RBFOX3: variants seen among roughly 807,000 people sequenced by gnomAD.
The protein encoded by RBFOX3 is RNA binding fox-1 homolog 3, also known as RNA binding protein fox-1 homolog 3.
RBFOX3 carries 17 observed loss-of-function variants against 48.7 expected under a neutral mutation model. The ratio of observed to expected loss-of-function variants is 0.35; its 90% CI spans 0.24 to 0.52. The LOEUF is 0.52. Among genes scored for constraint, RBFOX3 ranks in the 20% least tolerant of loss-of-function variants. The probability of loss-of-function intolerance (pLI) is 0.94; values close to 1 mark genes in which losing one functional copy is unlikely to be tolerated. For synonymous variants in RBFOX3, 212 were observed against 209.5 expected (o/e 1.01, Z -0.10); for missense variants, 382 against 497.5 (o/e 0.77, Z 2.21).
At chr17:79,394,560 A>G (rs543739774) in intron 2 of RBFOX3, among the ~76,000 whole-genome samples, 51 of 152,350 alleles carry the variant, frequency 3.3e-4, no homozygotes, top group African/African-American at 1.2e-3. Flanking sequence ...GGAGGCTGAC[A>G]GTCAAGGCAG....
At chr17:79,211,635 C>A (rs1269027607) in intron 4 of RBFOX3, among the ~76,000 whole-genome samples, 1 of 152,124 alleles carries the variant, frequency 6.6e-6, no homozygotes, top group African/African-American at 2.4e-5. Context: ...CTCCGGGGGG[C>A]TGGACAGACA....
intron 3 of RBFOX3, among the ~76,000 whole-genome samples, chr17:79,255,699 C>A (rs934813713): frequency 6.6e-6 from 1 of 152,080 alleles, no homozygotes; most frequent in Non-Finnish European, 1.5e-5. Context: ...CTGGGCCTGG[C>A]CTCCCAGTCC....
intron 4 of RBFOX3, among the ~76,000 whole-genome samples, chr17:79,194,614 GAA>G (rs71161651): frequency 0.032 from 4,856 of 149,676 alleles, 108 homozygotes; most frequent in African/African-American, 0.058. Context: ...TGTCTCAAAA[GAA>G]AAAAAAAAAC....
At chr17:79,394,205 A>C (rs1371656906) in intron 2 of RBFOX3, among the ~76,000 whole-genome samples, 1 of 152,234 alleles carries the variant, frequency 6.6e-6, no homozygotes, top group Non-Finnish European at 1.5e-5. Context: ...CTGTGGGCTG[A>C]GATCTGCGAG....
intron 3 of RBFOX3, among the ~76,000 whole-genome samples, chr17:79,264,965 A>AG (rs766941741): frequency 0.028 from 3,773 of 132,864 alleles, 52 homozygotes; most frequent in East Asian, 0.062. Context: ...GTGCGAGAGG[A>AG]GGGGGGGGGG....
Position 79,129,622 on chromosome 17 carries a change from C to A in RBFOX3, c.-33-13874G>T, listed in dbSNP as rs576732597. ...CTGTCCTTCAAGGTGCAGAGGACAC[C>A]ATAGCCTCTGTAGGGGCTGACTCAG... is the stretch of plus-strand genomic sequence containing the variant. On this transcript the variant is annotated intron_variant, in intron 4 of 14. Transcript: ENST00000693108. 2.0e-5 allele frequency among the ~76,000 whole-genome samples: 3 copies of A among 152,350 alleles called. 1 individual carries two copies. The South Asian group carries it at 6.2e-4, about 32-fold the overall frequency.
At chr17:79,583,312 C>G (rs1390557135) in intron 1 of RBFOX3, among the ~76,000 whole-genome samples, 1 of 152,188 alleles carries the variant, frequency 6.6e-6, no homozygotes, top group Non-Finnish European at 1.5e-5. Flanking sequence ...TCACTGGTCT[C>G]TGCAACTGTT....
At chr17:79,313,646 A>T (rs2077148248) in intron 2 of RBFOX3, among the ~76,000 whole-genome samples, 1 of 152,184 alleles carries the variant, frequency 6.6e-6, no homozygotes, top group Non-Finnish European at 1.5e-5. Flanking sequence ...AAGTGAGGCC[A>T]GGCCAGGCCT....
intron 2 of RBFOX3, among the ~76,000 whole-genome samples, chr17:79,425,346 G>T (rs566818410): frequency 2.0e-5 from 3 of 151,854 alleles, no homozygotes; most frequent in Admixed American, 6.6e-5. Flanking sequence ...GGCCTGGGGG[G>T]GCTTGTGTGG....
intron 1 of RBFOX3, among the ~76,000 whole-genome samples, chr17:79,493,391 G>C (rs2080982945): frequency 6.6e-6 from 1 of 152,230 alleles, no homozygotes; most frequent in East Asian, 1.9e-4. Context: ...CAGAAGGAGA[G>C]CGTCAGATGC....
chr17:79,383,961 A>G (rs535873782), intron 2 of RBFOX3, among the ~76,000 whole-genome samples: 1 of 152,188 alleles, frequency 6.6e-6, no homozygotes, highest in South Asian at 2.1e-4. Flanking sequence ...TATGTGGGGG[A>G]AGGCAAGATT....
At chr17:79,123,385 C>T (rs2036285026) in intron 4 of RBFOX3, among the ~76,000 whole-genome samples, 1 of 152,130 alleles carries the variant, frequency 6.6e-6, no homozygotes, top group South Asian at 2.1e-4. Context: ...GAAAACCCTG[C>T]TGGCACTCCC....
intron 2 of RBFOX3, among the ~76,000 whole-genome samples, chr17:79,385,948 GCT>G (rs2060502577): frequency 7.5e-6 from 1 of 133,900 alleles, no homozygotes; most frequent in Non-Finnish European, 1.6e-5. Context: ...GCGGACAGGA[GCT>G]CCATCACCTC....
intron 4 of RBFOX3, among the ~76,000 whole-genome samples, chr17:79,133,361 C>T (rs959014544): frequency 1.3e-5 from 2 of 152,200 alleles, no homozygotes; most frequent in Non-Finnish European, 2.9e-5. Context: ...CACCTTGTAC[C>T]TTCCCACTCA....
chr17:79,326,445 G>A (rs1390091605), intron 2 of RBFOX3, among the ~76,000 whole-genome samples: 1 of 152,238 alleles, frequency 6.6e-6, no homozygotes, highest in Admixed American at 6.5e-5. Flanking sequence ...GGGAAGGGAA[G>A]AGAGTGAATC....
intron 3 of RBFOX3, among the ~76,000 whole-genome samples, chr17:79,288,679 C>T (rs1300051454): frequency 1.3e-5 from 2 of 152,172 alleles, no homozygotes; most frequent in Non-Finnish European, 2.9e-5. Flanking sequence ...CCTCTTTCCC[C>T]TGGGCCTAGC....
chr17:79,128,031 C>G (rs751270032), intron 4 of RBFOX3, among the ~76,000 whole-genome samples: 1 of 152,218 alleles, frequency 6.6e-6, no homozygotes. Context: ...ACACACCATG[C>G]GACCGCTCAG....
At chr17:79,461,573 C>T (rs564580072) in intron 2 of RBFOX3, among the ~76,000 whole-genome samples, 7 of 152,318 alleles carry the variant, frequency 4.6e-5, no homozygotes, top group Non-Finnish European at 8.8e-5. Flanking sequence ...CACAGGGTCT[C>T]GGCACACTGC....
intron 1 of RBFOX3, among the ~76,000 whole-genome samples, chr17:79,496,817 C>T (rs1173873573): frequency 6.6e-6 from 1 of 152,180 alleles, no homozygotes; most frequent in Non-Finnish European, 1.5e-5. Context: ...GAGATTGTCA[C>T]GTGAATGCCG....
Sources: gnomAD v4.1 joint callset for allele counts (sites outside exome capture counted in the v4.1 genomes callset) on GRCh38, gnomAD v4.1.1 for gene constraint, MANE v1.5 for transcripts, NCBI Gene and HGNC (gene_info 2026-07-23, HGNC 2026-07-21) for gene names.